The following SLC25A37 variants were observed in gnomAD, a reference collection of about 807,000 sequenced individuals.
SLC25A37 encodes solute carrier family 25 member 37.
SLC25A37 carries 17 observed loss-of-function variants against 31.0 expected under a neutral mutation model. That is an observed-to-expected ratio of 0.55 (90% CI 0.38 to 0.82). The LOEUF (loss-of-function observed/expected upper bound fraction) is 0.82. Ranked by LOEUF, SLC25A37 falls within the 40% of genes least tolerant of loss-of-function variation. SLC25A37 has a pLI of 0.00. For synonymous variants in SLC25A37, 222 were observed against 193.0 expected, an observed-to-expected ratio of 1.15 and a Z score of -1.24; for missense variants, 404 against 465.8, an observed-to-expected ratio of 0.87 and a Z score of 1.22.
In SLC25A37 at chr8:23,573,974, G is replaced by GA. The variant is rs1006704797; in HGVS notation, c.*2126dup. 5.8e-6 allele frequency: 2 copies of GA among 344,700 alleles called. No individual in the cohort carries two copies. Among genetic ancestry groups the GA allele is most frequent in the African/African-American group, 2.2e-5 (1 of 46,346 alleles). 21.4% of individuals were successfully genotyped at this position (344,700 alleles called of 1,614,324 possible). Reference sequence around the variant, plus strand: ...GGTGTTAAATTCTGCAAATGGAGGGGAAAAAAATCAAATTCTAAATTTCAA... The same window carrying GA: ...GGTGTTAAATTCTGCAAATGGAGGGGAAAAAAAATCAAATTCTAAATTTCAA... On this transcript the variant is annotated 3_prime_UTR_variant, in exon 4 of 4. Transcript: ENST00000519973.
At chr8:23,542,584 G>A (rs1801924653) in intron 1 of SLC25A37, among the ~76,000 whole-genome samples, 1 of 151,612 alleles carries the variant, frequency 6.6e-6, no homozygotes, top group Non-Finnish European at 1.5e-5. Context: ...TCACCATGTT[G>A]GCCAGGCTGG....
chr8:23,543,584 C>A (rs772546955), intron 1 of SLC25A37, among the ~76,000 whole-genome samples: 10 of 152,156 alleles, frequency 6.6e-5, no homozygotes, highest in Non-Finnish European at 1.3e-4. Context: ...TAAAAAAAAT[C>A]TTTTGGCTGG....
intron 1 of SLC25A37, among the ~76,000 whole-genome samples, chr8:23,540,566 T>C (rs1801868611): frequency 6.6e-6 from 1 of 152,176 alleles, no homozygotes; most frequent in African/African-American, 2.4e-5. Flanking sequence ...CCACAGGATA[T>C]TTTTGGCTGC....
chr8:23,531,576 G>T (rs1281137444), intron 1 of SLC25A37: 1 of 151,538 alleles, frequency 6.6e-6, no homozygotes, highest in South Asian at 2.1e-4. Flanking sequence ...ATGTAAATCG[G>T]ATCTTGAAAG....
At chr8:23,541,459 T>G (rs182712150) in intron 1 of SLC25A37, 1 of 152,402 alleles carries the variant, frequency 6.6e-6, no homozygotes, top group East Asian at 1.9e-4. Context: ...TTCCCGTCAC[T>G]GTTTTCCTCA....
At chr8:23,555,393 T>G (rs1269184190) in intron 1 of SLC25A37, among the ~76,000 whole-genome samples, 1 of 152,182 alleles carries the variant, frequency 6.6e-6, no homozygotes, top group African/African-American at 2.4e-5. Flanking sequence ...AGGTTGGATG[T>G]GATCTGGACT....
In SLC25A37 at chr8:23,529,322, C is replaced by T. The variant is rs1801614141; in HGVS notation, c.210+110C>T. 1.4e-5 allele frequency: 15 copies of T among 1,055,294 alleles called. No individual in the cohort carries two copies. Among genetic ancestry groups the T allele is most frequent in the Non-Finnish European group, 1.9e-5 (15 of 775,802 alleles). The allele number at this position is 1,055,294 out of a possible 1,614,324, so 65.4% of individuals were successfully genotyped here. Reference sequence around the variant, plus strand: ...GGGCAGCGTCCCGAAACCGAGCTCTCCCCAGGACCGCGGCTGGCCGGGGTC... The same window carrying T: ...GGGCAGCGTCCCGAAACCGAGCTCTTCCCAGGACCGCGGCTGGCCGGGGTC... On this transcript the variant is annotated intron_variant, in intron 1 of 3. Coordinates refer to ENST00000519973, the MANE Select transcript of SLC25A37 (RefSeq NM_016612.4). This position sits in a 1 kb window ranked among gnomAD's most constrained non-coding sequence, Gnocchi z 4.1.
At chr8:23,541,450 T>A (rs2117396371) in intron 1 of SLC25A37, 1 of 152,406 alleles carries the variant, frequency 6.6e-6, no homozygotes, top group East Asian at 1.9e-4. Context: ...GTTTGGCCTT[T>A]CCCGTCACTG....
chr8:23,552,238 C>G (rs1218353952), intron 1 of SLC25A37, among the ~76,000 whole-genome samples: 4 of 152,168 alleles, frequency 2.6e-5, no homozygotes, highest in South Asian at 2.1e-4. Flanking sequence ...AAAAATAGTT[C>G]CGGTGAAGAT....
intron 1 of SLC25A37, among the ~76,000 whole-genome samples, chr8:23,564,340 C>T (rs181434119): frequency 6.6e-6 from 1 of 152,066 alleles, no homozygotes; most frequent in East Asian, 1.9e-4. Context: ...GTCCTTTGCC[C>T]ATCTTCAATC....
Position 23,529,666 on chromosome 8 carries a change from T to C in SLC25A37, c.210+454T>C, listed in dbSNP as rs1362680737. 6.6e-6 allele frequency among the ~76,000 whole-genome samples: 1 copy of C among 152,104 alleles called. No individual in the cohort carries two copies. The highest frequency in any genetic ancestry group is 2.1e-4 in the South Asian group (1 of 4,830). On this transcript the variant is annotated intron_variant, in intron 1 of 3. Transcript: ENST00000519973. The surrounding 1 kb of genome is among the most constrained non-coding windows in gnomAD (Gnocchi z 4.1). Reference sequence around the variant, plus strand: ...CTCACCACGCTGGAGCTGAGAAACGTGTGGCCCTGGCCCGGCCGCGCGCCC... The same window carrying C: ...CTCACCACGCTGGAGCTGAGAAACGCGTGGCCCTGGCCCGGCCGCGCGCCC...
chr8:23,540,362 G>A (rs769810755), intron 1 of SLC25A37, among the ~76,000 whole-genome samples: 2 of 152,166 alleles, frequency 1.3e-5, no homozygotes, highest in African/African-American at 4.8e-5. Context: ...ATATGAGAAA[G>A]GGCTGAGATT....
intron 1 of SLC25A37, among the ~76,000 whole-genome samples, chr8:23,539,144 T>A (rs949782594): frequency 6.6e-6 from 1 of 152,174 alleles, no homozygotes; most frequent in Non-Finnish European, 1.5e-5. Context: ...GCTTTCTCTC[T>A]GAAGAGAAAA....
chr8:23,559,146 A>T (rs1802443975), intron 1 of SLC25A37, among the ~76,000 whole-genome samples: 1 of 152,208 alleles, frequency 6.6e-6, no homozygotes, highest in South Asian at 2.1e-4. Flanking sequence ...ACCAAGTGAA[A>T]CAGGTTTCTT....
In SLC25A37 at chr8:23,572,178, G is replaced by T; in HGVS notation, c.*323G>T. ...GATCCTTAGATCCCAGAGGAGGGAA[G>T]AAAATTTGCAGTGACTGAAAACAGT... On this transcript the variant is annotated 3_prime_UTR_variant, in exon 4 of 4. Coordinates refer to ENST00000519973, the MANE Select transcript of SLC25A37 (RefSeq NM_016612.4). 1 of 123,114 alleles carries T rather than the reference G, an allele frequency of 8.1e-6. No homozygotes were observed. The highest frequency in any genetic ancestry group is 4.0e-5 in the African/African-American group (1 of 25,262). 7.6% of individuals were successfully genotyped at this position (123,114 alleles called of 1,614,324 possible).
At position 23,529,772 on chromosome 8, in the gene SLC25A37, G is replaced by A. The variant is rs779007554; in HGVS notation, c.210+560G>A. 1.4e-4 allele frequency among the ~76,000 whole-genome samples: 21 copies of A among 152,186 alleles called. No homozygotes were observed. Among genetic ancestry groups the A allele is most frequent in the Admixed American group, 5.2e-4 (8 of 15,282 alleles). ...GCAAGTCTTCTCTCGACTAGTGGCAGCTCTTTACCGGTTCGACAGCGGCCC... is the reference window on the plus strand; with the variant it reads ...GCAAGTCTTCTCTCGACTAGTGGCAACTCTTTACCGGTTCGACAGCGGCCC... On this transcript the variant is annotated intron_variant, in intron 1 of 3. Transcript: ENST00000519973. The surrounding 1 kb of genome is among the most constrained non-coding windows in gnomAD (Gnocchi z 4.1).
chr8:23,550,250 A>G (rs1469911349), intron 1 of SLC25A37, among the ~76,000 whole-genome samples: 2 of 107,100 alleles, frequency 1.9e-5, no homozygotes, highest in Non-Finnish European at 3.4e-5. Flanking sequence ...GGTGGAATTG[A>G]GTTCATCTCT....
At chr8:23,554,750 A>G (rs1302853378) in intron 1 of SLC25A37, among the ~76,000 whole-genome samples, 1 of 152,164 alleles carries the variant, frequency 6.6e-6, no homozygotes, top group African/African-American at 2.4e-5. Flanking sequence ...TCTAACTGGT[A>G]TGTGATGTTA....
At chr8:23,539,413 T>C (rs1159103303) in intron 1 of SLC25A37, among the ~76,000 whole-genome samples, 2 of 152,232 alleles carry the variant, frequency 1.3e-5, no homozygotes, top group African/African-American at 2.4e-5. Context: ...AGAGAGACCC[T>C]GGCTGATATT....
Sources: gnomAD v4.1 joint callset for allele counts (sites outside exome capture counted in the v4.1 genomes callset) on GRCh38, gnomAD v4.1.1 for gene constraint, Gnocchi (gnomAD v3.1) non-coding constraint, MANE v1.5 for transcripts, NCBI Gene and HGNC (gene_info 2026-07-23, HGNC 2026-07-21) for gene names.